Variants in KMT2B observed in about 807,000 individuals in gnomAD.
The protein encoded by KMT2B is lysine methyltransferase 2B, also known as histone-lysine N-methyltransferase 2B.
A neutral mutation model predicts 255.3 loss-of-function variants in KMT2B; 22 were observed. The ratio of observed to expected loss-of-function variants is 0.09; its 90% CI spans 0.06 to 0.12. KMT2B has a LOEUF of 0.12. Among genes scored for constraint, KMT2B ranks in the 10% least tolerant of loss-of-function variants. KMT2B has a pLI of 1.00. For missense variants in KMT2B, 3,149 were observed against 3,737.0 expected, an observed-to-expected ratio of 0.84 and a Z score of 4.10; for synonymous variants, 1,730 against 1,498.1, an observed-to-expected ratio of 1.15 and a Z score of -3.57.
chr19:35,723,639 G>T lies in KMT2B; in HGVS notation c.3059-93G>T. On this transcript the variant is annotated intron_variant, in intron 7 of 36. Coordinates refer to ENST00000420124, the MANE Select transcript of KMT2B (RefSeq NM_014727.3). This position sits in a 1 kb window ranked among gnomAD's most constrained non-coding sequence, Gnocchi z 7.5. ...CGTTGTGTGCTTTCATAGCTCCTGC[G>T]TTCATTCCCTGCCCCGCTTCTTTCT... 7.6e-7 allele frequency: 1 copy of T among 1,319,290 alleles called. No individual in the cohort carries two copies. 81.7% of individuals were successfully genotyped at this position (1,319,290 alleles called of 1,614,324 possible).
chr19:35,729,924 C>T (rs1355653629), intron 22 of KMT2B, 43 bp from the exon 23 acceptor site: 3 of 1,583,974 alleles, frequency 1.9e-6, no homozygotes, highest in Non-Finnish European at 2.6e-6. Context: ...TGGCGCCCAG[C>T]CCCAGCCCTG....
chr19:35,721,971 C>T (rs1305445018), intron 3 of KMT2B, among the ~76,000 whole-genome samples, 167 bp downstream of exon 3: 1 of 151,862 alleles, frequency 6.6e-6, no homozygotes, highest in Non-Finnish European at 1.5e-5. Context: ...AGACCTGGCC[C>T]TTCTCTGTGC....
intron 2 of KMT2B, 54 bp from the exon 3 acceptor site, chr19:35,719,730 C>CCTCT: frequency 2.0e-6 from 3 of 1,536,486 alleles, no homozygotes; most frequent in Non-Finnish European, 2.6e-6. Context: ...GGAGCGCCTT[C>CCTCT]CTCTGTGTGT....
In KMT2B at chr19:35,718,156, T is replaced by C. The variant is rs966660275; in HGVS notation, c.138T>C (p.Ala46=). ...RGNGAERVRV[A]LRRGGGATGP... ...ACGGGGCCGAAAGAGTGCGGGTAGC[T>C]CTGCGGCGCGGCGGTGGCGCGACGG... The change falls in exon 1 of 37, where the codon GCT becomes GCC. Residue 46 remains alanine (A), a synonymous_variant. Transcript: ENST00000420124. The surrounding 1 kb of genome is among the most constrained non-coding windows in gnomAD (Gnocchi z 5.0). The C allele has an allele frequency of 1.9e-6, 2 of 1,065,930 alleles. No individual in the cohort carries two copies. Among genetic ancestry groups the C allele is most frequent in the South Asian group, 4.4e-5 (1 of 22,848 alleles). The allele number at this position is 1,065,930 out of a possible 1,614,324, so 66.0% of individuals were successfully genotyped here. A position where few individuals can be genotyped will look rare whatever the true frequency, so the allele number is the denominator to read the frequency against.
At chr19:35,729,763 C>T (rs1045247588) in intron 22 of KMT2B, among the ~76,000 whole-genome samples, 1 of 152,238 alleles carries the variant, frequency 6.6e-6, no homozygotes, top group Non-Finnish European at 1.5e-5. Flanking sequence ...CTAATGCTAT[C>T]AGCAAGTATT....
Position 35,721,674 on chromosome 19 carries a change from G to T in KMT2B, c.2327G>T (p.Arg776Leu), listed in dbSNP as rs568272454. The change falls in exon 3 of 37, where the codon CGG becomes CTG. Residue 776 changes from arginine to leucine, a missense_variant. By Grantham distance (102) the Arg-to-Leu change is moderately radical. Coordinates refer to ENST00000420124, the MANE Select transcript of KMT2B (RefSeq NM_014727.3). ...CAGATGCCTCCCCTGGAAAAAGCCC[G>T]GATTGCGGGCGTGGGTTCCTTGCCG... Reference protein sequence around the residue: ...PQQMPPLEKARIAGVGSLPLS... With the variant: ...PQQMPPLEKALIAGVGSLPLS... 2 of 1,612,250 alleles carry T rather than the reference G, an allele frequency of 1.2e-6. No homozygotes were observed. The highest frequency in any genetic ancestry group is 3.3e-4 in the Middle Eastern group (2 of 6,062).
intron 13 of KMT2B, 66 bp from the exon 14 acceptor site, chr19:35,726,170 C>T (rs940491882): frequency 1.7e-5 from 21 of 1,226,050 alleles, no homozygotes; most frequent in African/African-American, 1.2e-4. Flanking sequence ...CCTCCTCGCC[C>T]GTCTCCCGCT....
rs2146446669 is a variant in KMT2B, at chr19:35,723,982, T to C, written c.3309T>C (p.Pro1103=). The C allele has an allele frequency of 6.2e-7, 1 of 1,602,106 alleles. No homozygotes were observed. The highest frequency in any genetic ancestry group is 8.5e-7 in the Non-Finnish European group (1 of 1,174,116). ...CGGAGCCCGGGGGCCCCCCTGCTCC[T>C]CGGCGTCGGACCCCCCGAGAAAATG... The part of the protein sequence containing the change: ...DDSEPGGPPA[P]RRRTPRENEL... Residue 1103 remains proline, a synonymous_variant, in exon 8 of 37, where the codon CCT becomes CCC. Transcript: ENST00000420124. The surrounding 1 kb of genome is among the most constrained non-coding windows in gnomAD (Gnocchi z 7.5).
At position 35,718,321 on chromosome 19, in the gene KMT2B, G is replaced by C. The variant is rs868764230; in HGVS notation, c.303G>C (p.Trp101Cys). ...RGRGRGRGRG[W>C]GPSRGCVPEE... Reference sequence around the variant, plus strand: ...GGGGACGGGGTCGGGGCCGGGGCTGGGGCCCGAGTCGAGGCTGCGTGCCGG... The same window carrying C: ...GGGGACGGGGTCGGGGCCGGGGCTGCGGCCCGAGTCGAGGCTGCGTGCCGG... Residue 101 changes from tryptophan (W) to cysteine (C), a missense_variant, in exon 1 of 37, where the codon TGG (tryptophan) becomes TGC (cysteine). Trp to Cys is a radical substitution (Grantham distance 215). Transcript: ENST00000420124. This position sits in a 1 kb window ranked among gnomAD's most constrained non-coding sequence, Gnocchi z 5.0. 4.8e-6 allele frequency: 6 copies of C among 1,247,074 alleles called. No homozygotes were observed. In the African/African-American group the frequency reaches 9.3e-5, roughly 19 times the overall value. 77.3% of individuals were successfully genotyped at this position (1,247,074 alleles called of 1,614,324 possible). A position where few individuals can be genotyped will look rare whatever the true frequency, so the allele number is the denominator to read the frequency against.
chr19:35,726,724 C>T (rs1256879228), intron 14 of KMT2B, among the ~76,000 whole-genome samples: 3 of 152,170 alleles, frequency 2.0e-5, no homozygotes, highest in Non-Finnish European at 4.4e-5. Context: ...TGGCTCACGC[C>T]TGTAATCCTA....
chr19:35,719,868 C>A lies in KMT2B; in HGVS notation c.521C>A (p.Pro174Gln), dbSNP rs772189245. The change falls in exon 3 of 37, where the codon CCA becomes CAA. Residue 174 changes from proline (P) to glutamine (Q), a missense_variant. By Grantham distance (76) the Pro-to-Gln change is moderately conservative (BLOSUM62 -1). This residue lies in a region of KMT2B where 1,188 missense variants were observed against 1,106.4 expected (regional missense o/e 1.07). Coordinates refer to ENST00000420124, the MANE Select transcript of KMT2B (RefSeq NM_014727.3). ...CTAGCAGATGTGGCTCCTACCCCCC[C>A]AAAGACCCCTGCCCGGAAACGGGGT... ...PRLADVAPTPPKTPARKRGEE... is the reference protein window; with the variant it reads ...PRLADVAPTPQKTPARKRGEE... 1 of 1,613,432 alleles carries A rather than the reference C, an allele frequency of 6.2e-7. No individual in the cohort carries two copies. The highest frequency in any genetic ancestry group is 1.1e-5 in the South Asian group (1 of 91,090).
At position 35,718,841 on chromosome 19, in the gene KMT2B, G is replaced by GT. The variant is rs529063259; in HGVS notation, c.363+461dup. ...AGTTTCTCTTGGCATCTCAGGTAGA[G>GT]TGGTGGAGGGCTTCCTCTTGGGGCT... is the stretch of plus-strand genomic sequence containing the variant. On this transcript the variant is annotated intron_variant, in intron 1 of 36. Transcript: ENST00000420124. This position sits in a 1 kb window ranked among gnomAD's most constrained non-coding sequence, Gnocchi z 5.0. 1.0e-3 allele frequency among the ~76,000 whole-genome samples: 154 copies of GT among 152,336 alleles called. 1 individual carries two copies. The highest frequency in any genetic ancestry group is 3.4e-3 in the Middle Eastern group (1 of 294).
intron 18 of KMT2B, 28 bp from the exon 19 acceptor site, chr19:35,728,070 C>G: frequency 6.3e-7 from 1 of 1,578,946 alleles, no homozygotes; most frequent in Admixed American, 1.8e-5. Context: ...GAAGCTGGCT[C>G]TTCTCATCCT....
chr19:35,720,430 G>A lies in KMT2B; in HGVS notation c.1083G>A (p.Leu361=). The A allele has an allele frequency of 1.3e-6, 2 of 1,557,108 alleles. No individual in the cohort carries two copies. The highest frequency in any genetic ancestry group is 1.7e-6 in the Non-Finnish European group (2 of 1,149,854). ...GCTGGAAAAAGCAGGAACAGAAGCTGGATGACGAGGAAGAAGAGAAGAAAG... is the reference window on the plus strand; with the variant it reads ...GCTGGAAAAAGCAGGAACAGAAGCTAGATGACGAGGAAGAAGAGAAGAAAG... ...SPCWKKQEQK[L]DDEEEEKKEE... Residue 361 remains leucine, a synonymous_variant, in exon 3 of 37, where the codon CTG becomes CTA. Transcript: ENST00000420124.
In KMT2B at chr19:35,721,735, C is replaced by T. The variant is rs749436399; in HGVS notation, c.2388C>T (p.Leu796=). Residue 796 remains leucine, a synonymous_variant, in exon 3 of 37, where the codon CTC becomes CTT. Transcript: ENST00000420124. ...TAGAGGAGAAGATGTTCAGCCTCCT[C>T]AAGAGAGCCAAAGTGCAGCTATTCA... The part of the protein sequence containing the change: ...SGVEEKMFSL[L]KRAKVQLFKI... The T allele has an allele frequency of 4.3e-6, 7 of 1,610,290 alleles. No homozygotes were observed. In the East Asian group the frequency reaches 1.1e-4, roughly 26 times the overall value.
rs772293119 is a variant in KMT2B, at chr19:35,736,897, C to G, written c.7298-15C>G. The G allele has an allele frequency of 1.9e-6, 3 of 1,613,950 alleles. No homozygotes were observed. The Admixed American group carries it at 5.0e-5, about 27-fold the overall frequency. On this transcript the variant is annotated splice_polypyrimidine_tract_variant and intron_variant, in intron 31 of 36. Transcript: ENST00000420124. The stretch of plus-strand genomic sequence containing the variant: ...ACACCATCCTGACTCAGCTCTGGCT[C>G]TGCTGTCTCCCCAGGGGCGTGGAGA...
Position 35,733,128 on chromosome 19 carries a change from T to C in KMT2B, c.6579T>C (p.Leu2193=). The C allele has an allele frequency of 6.3e-7, 1 of 1,589,814 alleles. No homozygotes were observed. The highest frequency in any genetic ancestry group is 1.1e-5 in the South Asian group (1 of 87,132). ...PPKPATSKII[L]VNKLGQVFVK... is the part of the protein sequence containing the mutation. ...AACCCGCCACATCCAAAATCATACT[T>C]GTCAACAAGCTGGGGCAAGTATTTG... Residue 2193 remains leucine (L), a synonymous_variant, in exon 28 of 37, where the codon CTT becomes CTC. Coordinates refer to ENST00000420124, the MANE Select transcript of KMT2B (RefSeq NM_014727.3). This position sits in a 1 kb window ranked among gnomAD's most constrained non-coding sequence, Gnocchi z 4.3.
In KMT2B at chr19:35,727,544, C is replaced by T. The variant is rs762904618; in HGVS notation, c.4224C>T (p.Ala1408=). 17 of 1,607,538 alleles carry T rather than the reference C, an allele frequency of 1.1e-5. No homozygotes were observed. The highest frequency in any genetic ancestry group is 1.7e-5 in the Admixed American group (1 of 59,794). ...QPRWREALSG[A]LQGGLRQVLQ... The stretch of plus-strand genomic sequence containing the variant: ...GCTGGCGAGAGGCCCTGAGCGGGGC[C>T]CTCCAGGGGGGCCTGCGCCAGGTGC... Residue 1408 remains alanine, a synonymous_variant, in exon 16 of 37, where the codon GCC becomes GCT. Transcript: ENST00000420124. This position sits in a 1 kb window ranked among gnomAD's most constrained non-coding sequence, Gnocchi z 4.2.
In KMT2B at chr19:35,738,586, C is replaced by A; in HGVS notation, c.*29C>A. 1 of 1,601,440 alleles carries A rather than the reference C, an allele frequency of 6.2e-7. No individual in the cohort carries two copies. The highest frequency in any genetic ancestry group is 8.5e-7 in the Non-Finnish European group (1 of 1,172,032). On this transcript the variant is annotated 3_prime_UTR_variant, in exon 37 of 37. Transcript: ENST00000420124. This position sits in a 1 kb window ranked among gnomAD's most constrained non-coding sequence, Gnocchi z 8.7. ...CGTGGCTGCCCACCACGACCCCTCA[C>A]ACCTCCTGCTGCCGTCGCTGCCATC...
Sources: allele counts gnomAD v4.1 joint callset (sites outside exome capture counted in the v4.1 genomes callset), GRCh38; gene constraint gnomAD v4.1.1; regional missense constraint gnomAD v4.1.1; non-coding constraint Gnocchi (gnomAD v3.1); transcripts MANE v1.5; gene names NCBI Gene and HGNC (gene_info 2026-07-23, HGNC 2026-07-21).